The following NRXN3 variants were observed in gnomAD, a reference collection of about 807,000 sequenced individuals.
NRXN3 encodes the protein neurexin III.
Under a neutral mutation model 137.6 loss-of-function variants are expected in NRXN3, and 32 were observed. The ratio of observed to expected loss-of-function variants is 0.23; its 90% CI spans 0.18 to 0.31. The LOEUF is 0.31. NRXN3 is among the 10% of genes least tolerant of loss of function. The pLI, the probability that NRXN3 is intolerant of heterozygous loss-of-function variation, is 1.00. For missense variants in NRXN3, 1,574 were observed against 2,062.5 expected, an observed-to-expected ratio of 0.76 and a Z score of 4.59; for synonymous variants, 798 against 784.5, an observed-to-expected ratio of 1.02 and a Z score of -0.29.
chr14:79,056,148 G>C (rs1021810804), intron 15 of NRXN3, among the ~76,000 whole-genome samples: 3 of 152,116 alleles, frequency 2.0e-5, no homozygotes, highest in Non-Finnish European at 4.4e-5. Context: ...ACACAGATAT[G>C]AAAGATTCTT....
intron 15 of NRXN3, among the ~76,000 whole-genome samples, chr14:79,164,285 G>A (rs913432157): frequency 2.0e-5 from 3 of 151,910 alleles, no homozygotes; most frequent in African/African-American, 7.2e-5. Flanking sequence ...GCTGTATCTT[G>A]CCTGCATCCA....
At chr14:79,765,722 G>T (rs757223928) in intron 19 of NRXN3, among the ~76,000 whole-genome samples, 22 of 152,134 alleles carry the variant, frequency 1.4e-4, no homozygotes, top group Non-Finnish European at 2.6e-4. Flanking sequence ...ATGAATCTCT[G>T]CTTATGAAAT....
chr14:78,293,466 C>T (rs573957207), intron 3 of NRXN3, among the ~76,000 whole-genome samples: 6 of 152,262 alleles, frequency 3.9e-5, no homozygotes, highest in African/African-American at 1.4e-4. Flanking sequence ...CTACTCCATC[C>T]CACCTTCCTA....
chr14:79,564,790 A>G (rs2097532148), intron 16 of NRXN3, among the ~76,000 whole-genome samples: 2 of 152,280 alleles, frequency 1.3e-5, no homozygotes, highest in South Asian at 4.1e-4. Context: ...TTCATGGGGA[A>G]CAAACCTGTC....
At chr14:79,259,206 G>A (rs763679013) in intron 15 of NRXN3, among the ~76,000 whole-genome samples, 1 of 152,208 alleles carries the variant, frequency 6.6e-6, no homozygotes, top group Non-Finnish European at 1.5e-5. Flanking sequence ...GGGCAAGGAA[G>A]GTTGTGAGCT....
chr14:78,733,308 T>C (rs1442803313), intron 8 of NRXN3, among the ~76,000 whole-genome samples: 1 of 152,144 alleles, frequency 6.6e-6, no homozygotes, highest in Non-Finnish European at 1.5e-5. Context: ...TCCTCAGTCT[T>C]TGCATCCAAA....
chr14:78,714,815 C>T lies in NRXN3; in HGVS notation c.1720C>T (p.Leu574=). 1.9e-6 allele frequency: 3 copies of T among 1,614,148 alleles called. No individual in the cohort carries two copies. Among genetic ancestry groups the T allele is most frequent in the Non-Finnish European group, 2.5e-6 (3 of 1,180,010 alleles). The change falls in exon 8 of 21, where the codon CTG becomes TTG. Residue 574 remains leucine, a synonymous_variant. Transcript: ENST00000335750. ...PFTASGESEI[L]DLEGDMYLGG... Reference sequence around the variant, plus strand: ...CACCGCCAGTGGGGAGAGCGAGATCCTGGACCTGGAAGGAGACATGTACCT... The same window carrying T: ...CACCGCCAGTGGGGAGAGCGAGATCTTGGACCTGGAAGGAGACATGTACCT...
intron 19 of NRXN3, among the ~76,000 whole-genome samples, chr14:79,786,464 G>A (rs989890522): frequency 6.6e-6 from 1 of 152,328 alleles, no homozygotes; most frequent in African/African-American, 2.4e-5. Flanking sequence ...TTATGTGTAA[G>A]CATTTATTGC....
chr14:78,642,397 T>C (rs1010989801), intron 4 of NRXN3, among the ~76,000 whole-genome samples: 1 of 152,226 alleles, frequency 6.6e-6, no homozygotes, highest in African/African-American at 2.4e-5. Context: ...TTAAGCACCA[T>C]GTAGCACATT....
chr14:78,250,627 C>T (rs1307718938), intron 2 of NRXN3, among the ~76,000 whole-genome samples: 1 of 152,182 alleles, frequency 6.6e-6, no homozygotes, highest in East Asian at 1.9e-4. Flanking sequence ...TCAGCAGCCA[C>T]CCAGTGAGGC....
At chr14:79,463,803 AG>A (rs1041001775) in intron 15 of NRXN3, among the ~76,000 whole-genome samples, 3 of 152,144 alleles carry the variant, frequency 2.0e-5, no homozygotes, top group African/African-American at 7.2e-5. Flanking sequence ...TACGAGGCTC[AG>A]GGGAGAAAGC....
At chr14:79,843,717 A>G (rs2099361065) in intron 20 of NRXN3, among the ~76,000 whole-genome samples, 1 of 152,186 alleles carries the variant, frequency 6.6e-6, no homozygotes, top group Non-Finnish European at 1.5e-5. Context: ...TCATTTTACT[A>G]ATCCATAAGA....
At chr14:78,403,588 C>G (rs1169799841) in intron 4 of NRXN3, 1 of 348,096 alleles carries the variant, frequency 2.9e-6, no homozygotes, top group South Asian at 1.2e-4. Context: ...CACCCTGTCC[C>G]GGGCCCCAGA....
intron 19 of NRXN3, among the ~76,000 whole-genome samples, chr14:79,764,937 T>G (rs1882819002): frequency 6.6e-6 from 1 of 152,194 alleles, no homozygotes; most frequent in Non-Finnish European, 1.5e-5. Context: ...TAGACTATTT[T>G]TTTCTCCTTT....
intron 19 of NRXN3, among the ~76,000 whole-genome samples, chr14:79,700,697 G>T (rs1056558225): frequency 6.6e-6 from 1 of 152,034 alleles, no homozygotes; most frequent in African/African-American, 2.4e-5. Context: ...GTGTGAATGT[G>T]AACAAGTAGT....
chr14:79,693,276 T>C (rs2098722881), intron 18 of NRXN3, among the ~76,000 whole-genome samples: 1 of 151,980 alleles, frequency 6.6e-6, no homozygotes, highest in African/African-American at 2.4e-5. Context: ...ATAGAAGAAG[T>C]AACCAGGTAT....
intron 2 of NRXN3, among the ~76,000 whole-genome samples, chr14:78,254,105 C>A (rs1476631543): frequency 2.0e-5 from 3 of 152,004 alleles, no homozygotes; most frequent in African/African-American, 7.2e-5. Context: ...AGTACACATA[C>A]CACTGAGTTA....
At chr14:78,845,514 A>G (rs1187639316) in intron 10 of NRXN3, among the ~76,000 whole-genome samples, 1 of 151,882 alleles carries the variant, frequency 6.6e-6, no homozygotes, top group African/African-American at 2.4e-5. Flanking sequence ...TTTTCTACTT[A>G]TATGATTTCC....
intron 16 of NRXN3, among the ~76,000 whole-genome samples, chr14:79,524,978 C>A (rs1290421430): frequency 6.6e-6 from 1 of 151,874 alleles, no homozygotes; most frequent in Non-Finnish European, 1.5e-5. Context: ...GGGTAGGGGG[C>A]AAAACTTTTT....
Sources: gnomAD v4.1 joint callset for allele counts (sites outside exome capture counted in the v4.1 genomes callset) on GRCh38, gnomAD v4.1.1 for gene constraint, MANE v1.5 for transcripts, NCBI Gene and HGNC (gene_info 2026-07-23, HGNC 2026-07-21) for gene names.